Variants in TRIM69 observed in about 807,000 individuals in gnomAD.
TRIM69 encodes tripartite motif containing 69.
A neutral mutation model predicts 37.7 loss-of-function variants in TRIM69; 29 were observed. The ratio of observed to expected loss-of-function variants is 0.77; its 90% confidence interval spans 0.57 to 1.05. The LOEUF (loss-of-function observed/expected upper bound fraction) is 1.05. Ranked by LOEUF, TRIM69 falls within the 50% of genes least tolerant of loss-of-function variation. The pLI is 0.00. For synonymous variants in TRIM69, 209 were observed against 212.4 expected (o/e 0.98, Z 0.14); for missense variants, 596 against 579.9 (o/e 1.03, Z -0.28).
chr15:44,756,462 A>G lies in TRIM69; in HGVS notation c.578A>G (p.Lys193Arg). The G allele has an allele frequency of 6.5e-7, 1 of 1,546,266 alleles. No individual in the cohort carries two copies. Among genetic ancestry groups the G allele is most frequent in the Non-Finnish European group, 8.8e-7 (1 of 1,142,250 alleles). ...CAGAAGGAAGCTATTGCTGCTCACA[A>G]GGTGAGGAGCAAGAAAGAGGGGTTA... Reference protein sequence around the residue: ...NMQKEAIAAHKENKLHLQQHV... With the variant: ...NMQKEAIAAHRENKLHLQQHV... The change falls in exon 3 of 7, where the codon AAG becomes AGG. Residue 193 changes from lysine to arginine, a missense_variant and splice_region_variant. By Grantham distance (26) the Lys-to-Arg change is conservative (BLOSUM62 2). Transcript: ENST00000329464.
Position 44,767,813 on chromosome 15 carries a change from G to C in TRIM69, c.*41G>C, listed in dbSNP as rs1261875241. On this transcript the variant is annotated 3_prime_UTR_variant, in exon 7 of 7. Coordinates refer to ENST00000329464, the MANE Select transcript of TRIM69 (RefSeq NM_182985.5). Reference sequence around the variant, plus strand: ...TACAAATTCAGAGTGTTATTAAAGAGGTATTGAAATATTTTACCAGTCTCA... The same window carrying C: ...TACAAATTCAGAGTGTTATTAAAGACGTATTGAAATATTTTACCAGTCTCA... 6.5e-7 allele frequency: 1 copy of C among 1,541,306 alleles called. No individual in the cohort carries two copies. Among genetic ancestry groups the C allele is most frequent in the Non-Finnish European group, 8.7e-7 (1 of 1,145,208 alleles).
chr15:44,766,411 CTG>C (rs1217847784), intron 6 of TRIM69, among the ~76,000 whole-genome samples: 1 of 152,186 alleles, frequency 6.6e-6, no homozygotes, highest in African/African-American at 2.4e-5. Flanking sequence ...CCTCTAAACT[CTG>C]TACCAGTTAG....
Position 44,756,576 on chromosome 15 carries a change from C to G in TRIM69, c.579+113C>G, listed in dbSNP as rs74535971. The G allele has an allele frequency of 0.043, 28,960 of 681,130 alleles. 805 individuals carry two copies. Among genetic ancestry groups the G allele is most frequent in the South Asian group, 0.079 (4,049 of 51,248 alleles). 42.2% of individuals were successfully genotyped at this position (681,130 alleles called of 1,614,324 possible). On this transcript the variant is annotated intron_variant, in intron 3 of 6. Transcript: ENST00000329464. ...ATATTATCTACACACTAAATGGTAC[C>G]TAGGCTATGGAATTGGAAAACTGAG...
At chr15:44,762,364 T>C (rs751645230) in intron 6 of TRIM69, among the ~76,000 whole-genome samples, 4 of 152,196 alleles carry the variant, frequency 2.6e-5, no homozygotes. Flanking sequence ...ATTCTGCTTG[T>C]GCGTCATTGA....
rs2087704363 is a variant in TRIM69 at position 44,758,641 on chromosome 15, G to A, written c.600G>A (p.Gln200=). The A allele has an allele frequency of 1.9e-6, 3 of 1,614,000 alleles. No homozygotes were observed. Among genetic ancestry groups the A allele is most frequent in the African/African-American group, 1.3e-5 (1 of 74,918 alleles). ...AAHKENKLHL[Q]QHVSMEFLKL... ...TCCAGGAAAACAAGCTACATCTGCAGCAACATGTGTCCATGGAGTTTCTAA... is the reference window on the plus strand; with the variant it reads ...TCCAGGAAAACAAGCTACATCTGCAACAACATGTGTCCATGGAGTTTCTAA... The change falls in exon 4 of 7, where the codon CAG becomes CAA. Residue 200 remains glutamine (Q), a synonymous_variant. Transcript: ENST00000329464.
Position 44,767,500 on chromosome 15 carries a change from C to G in TRIM69, c.1231C>G (p.Gln411Glu). ...GGGCAGCTGTCCTCTAACTCCTGAG[C>G]AAGGATTCTGGCTTTTAAGACTAAG... Reference protein sequence around the residue: ...RKGSCPLTPEQGFWLLRLRNQ... With the variant: ...RKGSCPLTPEEGFWLLRLRNQ... The change falls in exon 7 of 7, where the codon CAA becomes GAA. Residue 411 changes from glutamine to glutamate, a missense_variant. Coordinates refer to ENST00000329464, the MANE Select transcript of TRIM69 (RefSeq NM_182985.5). 6 of 1,614,170 alleles carry G rather than the reference C, an allele frequency of 3.7e-6. No homozygotes were observed. Among genetic ancestry groups the G allele is most frequent in the Non-Finnish European group, 5.1e-6 (6 of 1,180,024 alleles).
At chr15:44,759,413 T>A (rs2087724750) in intron 4 of TRIM69, among the ~76,000 whole-genome samples, 1 of 152,232 alleles carries the variant, frequency 6.6e-6, no homozygotes, top group African/African-American at 2.4e-5. Context: ...TCTTATTGGC[T>A]TCTGTCTTGC....
intron 3 of TRIM69, 174 bp downstream of exon 3, chr15:44,756,637 G>C: frequency 1.9e-6 from 1 of 524,754 alleles, no homozygotes; most frequent in Non-Finnish European, 3.4e-6. Context: ...GGTGGAGTAG[G>C]TTCCTAATAG....
At chr15:44,739,947 CT>C (rs1289517741) in intron 1 of TRIM69, among the ~76,000 whole-genome samples, 63 of 151,736 alleles carry the variant, frequency 4.2e-4, no homozygotes, top group Admixed American at 2.4e-3. Flanking sequence ...TCCCTGACCC[CT>C]GACCCCCTAG....
chr15:44,759,902 G>A (rs1566898871), intron 6 of TRIM69, 30 bp downstream of exon 6: 2 of 1,595,314 alleles, frequency 1.3e-6, no homozygotes, highest in South Asian at 2.2e-5. Flanking sequence ...ATTGGTTCTT[G>A]AGGCTCCTAA....
chr15:44,748,092 C>T (rs1462777114), intron 1 of TRIM69, among the ~76,000 whole-genome samples: 2 of 152,184 alleles, frequency 1.3e-5, no homozygotes, highest in East Asian at 1.9e-4. Flanking sequence ...AGAGCAAGTT[C>T]GTACTCCTCT....
intron 6 of TRIM69, among the ~76,000 whole-genome samples, chr15:44,765,613 G>GC (rs140775701): frequency 0.052 from 7,751 of 149,156 alleles, 231 homozygotes; most frequent in South Asian, 0.098. Flanking sequence ...TATCAGCTGA[G>GC]CGTGGTGGTG....
At chr15:44,754,798 G>GT (rs1596027897) in intron 1 of TRIM69, 102 bp from the exon 2 acceptor site, 1 of 845,082 alleles carries the variant, frequency 1.2e-6, no homozygotes, top group Non-Finnish European at 1.9e-6. Flanking sequence ...TTTTACTTTA[G>GT]TTGTACCAAT....
intron 1 of TRIM69, among the ~76,000 whole-genome samples, chr15:44,747,942 G>A (rs945546513): frequency 6.6e-6 from 1 of 152,208 alleles, no homozygotes; most frequent in Non-Finnish European, 1.5e-5. Flanking sequence ...TTCTAACGAG[G>A]AATGGGCAGG....
At position 44,767,332 on chromosome 15, in the gene TRIM69, C is replaced by A; in HGVS notation, c.1063C>A (p.Pro355Thr). The A allele has an allele frequency of 6.2e-7, 1 of 1,614,048 alleles. No individual in the cohort carries two copies. The highest frequency in any genetic ancestry group is 8.5e-7 in the Non-Finnish European group (1 of 1,180,018). ...GCATGGTGACATTAAGAAGATAATG[C>A]CTGATGATCCTGAGAGGTTTGACTC... ...VWHGDIKKIM[P>T]DDPERFDSSV... The change falls in exon 7 of 7, where the codon CCT becomes ACT. Residue 355 changes from proline (P) to threonine (T), a missense_variant. Coordinates refer to ENST00000329464, the MANE Select transcript of TRIM69 (RefSeq NM_182985.5).
intron 1 of TRIM69, among the ~76,000 whole-genome samples, chr15:44,740,780 T>C (rs2087265028): frequency 6.6e-6 from 1 of 151,540 alleles, no homozygotes; most frequent in African/African-American, 2.4e-5. Flanking sequence ...CCTAAATATA[T>C]ATGCACCCAA....
At chr15:44,742,873 A>T (rs2087322159) in intron 1 of TRIM69, among the ~76,000 whole-genome samples, 1 of 151,642 alleles carries the variant, frequency 6.6e-6, no homozygotes, top group Non-Finnish European at 1.5e-5. Context: ...CAGTATCGTG[A>T]AAATGGCCAT....
chr15:44,759,050 C>G (rs562501414), intron 4 of TRIM69, among the ~76,000 whole-genome samples, 196 bp downstream of exon 4: 1 of 152,338 alleles, frequency 6.6e-6, no homozygotes, highest in East Asian at 1.9e-4. Context: ...GAAAGCTTTA[C>G]TTTCATCCTC....
chr15:44,754,000 G>A (rs1350704691), intron 1 of TRIM69: 1 of 152,240 alleles, frequency 6.6e-6, no homozygotes, highest in Non-Finnish European at 1.5e-5. Context: ...ACAGGCTTGA[G>A]CCGCAGTGCC....
Sources: allele counts gnomAD v4.1 joint callset (sites outside exome capture counted in the v4.1 genomes callset), GRCh38; gene constraint gnomAD v4.1.1; transcripts MANE v1.5; gene names NCBI Gene and HGNC (gene_info 2026-07-23, HGNC 2026-07-21).